The following KANSL1L variants were observed in gnomAD, a reference collection of about 807,000 sequenced individuals.
KANSL1L encodes KAT8 regulatory NSL complex subunit 1-like protein.
KANSL1L carries 25 observed loss-of-function variants against 108.6 expected under a neutral mutation model. The ratio of observed to expected loss-of-function variants is 0.23; its 90% CI spans 0.17 to 0.32. The LOEUF is 0.32. Ranked by LOEUF, KANSL1L falls within the 10% of genes least tolerant of loss-of-function variation. The pLI, the probability that KANSL1L is intolerant of heterozygous loss-of-function variation, is 1.00. For synonymous variants in KANSL1L, 405 were observed against 395.1 expected (o/e 1.03, Z -0.30); for missense variants, 1,137 against 1,125.7 (o/e 1.01, Z -0.14).
intron 5 of KANSL1L, among the ~76,000 whole-genome samples, chr2:210,093,868 T>G (rs1449313391): frequency 6.6e-6 from 1 of 152,136 alleles, no homozygotes; most frequent in African/African-American, 2.4e-5. Flanking sequence ...TATATAAAAA[T>G]AGAATATTAT....
At chr2:210,077,839 T>C (rs995038257) in intron 5 of KANSL1L, among the ~76,000 whole-genome samples, 5 of 152,204 alleles carry the variant, frequency 3.3e-5, no homozygotes, top group African/African-American at 1.2e-4. Flanking sequence ...GCCCTCATCT[T>C]ATGAAATGAA....
In KANSL1L at chr2:210,138,512, A is replaced by T. The variant is rs1174008505; in HGVS notation, c.1089-9340T>A. Among the ~76,000 whole-genome samples the T allele has an allele frequency of 2.0e-5, 3 of 152,094 alleles. No homozygotes were observed. The East Asian group carries it at 5.8e-4, about 29-fold the overall frequency. On this transcript the variant is annotated intron_variant, in intron 2 of 14. Coordinates refer to ENST00000281772, the MANE Select transcript of KANSL1L (RefSeq NM_152519.4). ...AAAAAGTTAATGATATCAATTCTAT[A>T]AAAAAAACTTTTAGAAATAATATTT...
At chr2:210,143,446 G>A (rs1377600266) in intron 2 of KANSL1L, among the ~76,000 whole-genome samples, 1 of 152,024 alleles carries the variant, frequency 6.6e-6, no homozygotes, top group East Asian at 1.9e-4. Flanking sequence ...ATTTATATCC[G>A]AGGCAATTGT....
At chr2:210,036,494 T>C (rs2125163200) in intron 8 of KANSL1L, among the ~76,000 whole-genome samples, 1 of 152,188 alleles carries the variant, frequency 6.6e-6, no homozygotes, top group Middle Eastern at 3.4e-3. Context: ...CAAAGGTATT[T>C]ATCATCTATG....
In KANSL1L at chr2:210,083,874, CTT is replaced by C. The variant is rs1007877602; in HGVS notation, c.1551-8120_1551-8119del. Among the ~76,000 whole-genome samples the C allele has an allele frequency of 1.7e-3, 248 of 146,322 alleles. 1 individual carries two copies. Among genetic ancestry groups the C allele is most frequent in the African/African-American group, 5.9e-3 (235 of 39,770 alleles). ...AGTAAGAAACTAATAAAAAATAAGA[CTT>C]AAACTTAATAGGAGGATTATTTATC... On this transcript the variant is annotated intron_variant, in intron 5 of 14. Transcript: ENST00000281772.
intron 6 of KANSL1L, among the ~76,000 whole-genome samples, chr2:210,060,754 G>A (rs1261127774): frequency 6.6e-6 from 1 of 152,190 alleles, no homozygotes; most frequent in Non-Finnish European, 1.5e-5. Context: ...AGAATACCAT[G>A]AGAAAACAGG....
At chr2:210,155,012 T>C (rs2095325264) in intron 1 of KANSL1L, among the ~76,000 whole-genome samples, 1 of 152,176 alleles carries the variant, frequency 6.6e-6, no homozygotes, top group East Asian at 1.9e-4. Flanking sequence ...TTGCTTATCT[T>C]TATAAAATAT....
At chr2:210,103,326 G>A (rs1464128647) in intron 4 of KANSL1L, among the ~76,000 whole-genome samples, 2 of 152,006 alleles carry the variant, frequency 1.3e-5, no homozygotes, top group Non-Finnish European at 2.9e-5. Flanking sequence ...GTCATGGGGT[G>A]GGGGAAGGGG....
intron 5 of KANSL1L, among the ~76,000 whole-genome samples, chr2:210,078,432 T>A (rs968724766): frequency 6.6e-6 from 1 of 152,346 alleles, no homozygotes; most frequent in Non-Finnish European, 1.5e-5. Context: ...AAATTATCCT[T>A]AGATTCTAAC....
chr2:210,104,516 TCTTAA>T (rs931889018), intron 3 of KANSL1L, among the ~76,000 whole-genome samples: 13 of 152,316 alleles, frequency 8.5e-5, no homozygotes, highest in African/African-American at 2.6e-4. Context: ...TAAAATATTT[TCTTAA>T]CTTAAATACA....
chr2:210,084,774 G>A lies in KANSL1L; in HGVS notation c.1551-9018C>T, dbSNP rs921769556. 3.3e-5 allele frequency among the ~76,000 whole-genome samples: 5 copies of A among 152,060 alleles called. No homozygotes were observed. The South Asian group carries it at 1.0e-3, about 32-fold the overall frequency. On this transcript the variant is annotated intron_variant, in intron 5 of 14. Coordinates refer to ENST00000281772, the MANE Select transcript of KANSL1L (RefSeq NM_152519.4). ...GACTACAGGTATGTGCCACCACGCC[G>A]AGGTAATTTTTGTTTTTAGTAGAGA...
intron 8 of KANSL1L, chr2:210,032,190 A>G (rs893143750): frequency 1.3e-5 from 2 of 152,190 alleles, no homozygotes; most frequent in Non-Finnish European, 1.5e-5. Context: ...GGAGTGGAAA[A>G]AGAAATATGT....
chr2:210,154,334 C>G lies in KANSL1L; in HGVS notation c.249G>C (p.Met83Ile). 6.2e-7 allele frequency: 1 copy of G among 1,609,108 alleles called. No homozygotes were observed. Among genetic ancestry groups the G allele is most frequent in the Non-Finnish European group, 8.5e-7 (1 of 1,178,608 alleles). Reference protein sequence around the residue: ...SSKHYQTVFLMRSNSTLNKHN... With the variant: ...SSKHYQTVFLIRSNSTLNKHN... ...GTTTATTTAATGTAGAATTAGATCT[C>G]ATTAAAAAAACAGTCTGGTAATGTT... is the stretch of plus-strand genomic sequence containing the variant. Residue 83 changes from methionine to isoleucine, a missense_variant, in exon 2 of 15, where the codon ATG becomes ATC. This residue lies in a region of KANSL1L where 556 missense variants were observed against 537.7 expected (regional missense o/e 1.03). Transcript: ENST00000281772.
intron 2 of KANSL1L, chr2:210,152,241 TTGGGGACAGTAA>T (rs1249635496): frequency 6.6e-6 from 1 of 152,202 alleles, no homozygotes; most frequent in African/African-American, 2.4e-5. Context: ...TCACATCAAT[TTGGGGACAGTAA>T]TAGATCCCCT....
At chr2:210,113,468 G>T (rs2094927603) in intron 3 of KANSL1L, among the ~76,000 whole-genome samples, 1 of 151,064 alleles carries the variant, frequency 6.6e-6, no homozygotes, top group Admixed American at 6.6e-5. Context: ...GAAAGGGAAA[G>T]AATCTGATTT....
chr2:210,138,393 A>C (rs1306911102), intron 2 of KANSL1L, among the ~76,000 whole-genome samples: 1 of 152,124 alleles, frequency 6.6e-6, no homozygotes, highest in Non-Finnish European at 1.5e-5. Context: ...CAATGGGATC[A>C]ATCAGACCCC....
chr2:210,138,710 G>T (rs974300821), intron 2 of KANSL1L, among the ~76,000 whole-genome samples: 4 of 152,140 alleles, frequency 2.6e-5, no homozygotes, highest in African/African-American at 9.7e-5. Context: ...ATTAAACCAT[G>T]CTAATTAACA....
intron 8 of KANSL1L, among the ~76,000 whole-genome samples, chr2:210,033,616 G>A (rs537702100): frequency 1.3e-5 from 2 of 151,838 alleles, no homozygotes; most frequent in East Asian, 3.9e-4. Flanking sequence ...TGCAAACTCC[G>A]CCTCCCGGGT....
intron 1 of KANSL1L, among the ~76,000 whole-genome samples, chr2:210,157,152 T>C (rs939253001): frequency 6.6e-6 from 1 of 151,960 alleles, no homozygotes; most frequent in African/African-American, 2.4e-5. Flanking sequence ...ACACCCACAA[T>C]AGTATTTAGT....
Sources: allele counts gnomAD v4.1 joint callset (sites outside exome capture counted in the v4.1 genomes callset), GRCh38; gene constraint gnomAD v4.1.1; regional missense constraint gnomAD v4.1.1; transcripts MANE v1.5; gene names NCBI Gene and HGNC (gene_info 2026-07-23, HGNC 2026-07-21).